CCSER1: variants seen among roughly 807,000 people sequenced by gnomAD.
The protein encoded by CCSER1 is serine-rich coiled-coil domain-containing protein 1.
A neutral mutation model predicts 82.0 loss-of-function variants in CCSER1; 41 were observed. The ratio of observed to expected loss-of-function variants is 0.50; its 90% confidence interval spans 0.39 to 0.65. The LOEUF (loss-of-function observed/expected upper bound fraction) is 0.65. CCSER1 is among the 30% of genes least tolerant of loss of function. The probability of loss-of-function intolerance (pLI) is 0.00; values close to 1 mark genes in which losing one functional copy is unlikely to be tolerated. For missense variants in CCSER1, 1,119 were observed against 1,064.2 expected, an observed-to-expected ratio of 1.05 and a Z score of -0.72; for synonymous variants, 414 against 383.9, an observed-to-expected ratio of 1.08 and a Z score of -0.92.
At chr4:91,474,767 G>A (rs7671624) in intron 10 of CCSER1, among the ~76,000 whole-genome samples, 84,112 of 135,192 alleles carry the variant, frequency 0.62, 25,097 homozygotes, top group East Asian at 0.87. Flanking sequence ...ACATGTGTGT[G>A]TATATATATA....
intron 3 of CCSER1, among the ~76,000 whole-genome samples, chr4:90,388,635 A>G (rs1449081055): frequency 6.9e-6 from 1 of 145,066 alleles, no homozygotes; most frequent in Non-Finnish European, 1.5e-5. Context: ...TTTAAATATT[A>G]TGATAATTTT....
At chr4:90,414,669 G>C (rs995332969) in intron 4 of CCSER1, among the ~76,000 whole-genome samples, 1 of 151,998 alleles carries the variant, frequency 6.6e-6, no homozygotes, top group Non-Finnish European at 1.5e-5. Flanking sequence ...TAGCAGCGAG[G>C]TTCGTTAGAT....
chr4:90,849,211 G>C (rs1763555724), intron 8 of CCSER1, among the ~76,000 whole-genome samples: 1 of 152,176 alleles, frequency 6.6e-6, no homozygotes, highest in Non-Finnish European at 1.5e-5. Flanking sequence ...CTAGAGACTT[G>C]TTGAATGGCT....
intron 10 of CCSER1, among the ~76,000 whole-genome samples, chr4:91,235,064 A>C (rs1270219554): frequency 6.6e-6 from 1 of 152,108 alleles, no homozygotes; most frequent in Non-Finnish European, 1.5e-5. Flanking sequence ...AATGAAAAAA[A>C]CAAAGAACAC....
rs28420276 is a variant in CCSER1 at position 90,298,358 on chromosome 4, C to A, written c.-41-9886C>A. On this transcript the variant is annotated intron_variant, in intron 1 of 10. Transcript: ENST00000509176. ...GGTGATATCCCCTTTATCATTTTTT[C>A]TTGCGTCTATTTGATTCTTCTCTCT... is the stretch of plus-strand genomic sequence containing the variant. Among the ~76,000 whole-genome samples the A allele has an allele frequency of 6.6e-3, 997 of 150,918 alleles. 7 individuals are homozygous for A. Among genetic ancestry groups the A allele is most frequent in the African/African-American group, 0.021 (872 of 41,234 alleles).
intron 10 of CCSER1, among the ~76,000 whole-genome samples, chr4:91,257,552 CTG>C (rs1740793916): frequency 6.6e-6 from 1 of 151,322 alleles, no homozygotes; most frequent in Non-Finnish European, 1.5e-5. Context: ...GGGCAACTAA[CTG>C]TTTATTCCAA....
At chr4:90,900,389 G>A (rs1051704082) in intron 8 of CCSER1, among the ~76,000 whole-genome samples, 1 of 151,710 alleles carries the variant, frequency 6.6e-6, no homozygotes, top group African/African-American at 2.4e-5. Flanking sequence ...TATCAATTTT[G>A]TTTATCCTTT....
chr4:90,532,830 T>C (rs1482175048), intron 5 of CCSER1, among the ~76,000 whole-genome samples: 1 of 152,114 alleles, frequency 6.6e-6, no homozygotes, highest in African/African-American at 2.4e-5. Flanking sequence ...GACTTGTACT[T>C]TGAGTAGCTT....
chr4:90,552,360 A>G (rs949289033), intron 5 of CCSER1, among the ~76,000 whole-genome samples: 2 of 152,380 alleles, frequency 1.3e-5, no homozygotes, highest in Admixed American at 1.3e-4. Context: ...ATTCATAAAG[A>G]TTAAAATATA....
intron 7 of CCSER1, among the ~76,000 whole-genome samples, chr4:90,742,835 C>T (rs998811772): frequency 1.3e-5 from 2 of 152,008 alleles, no homozygotes; most frequent in Non-Finnish European, 2.9e-5. Context: ...TTTTTTGTTT[C>T]GTAAAATGTG....
At chr4:90,346,331 G>A (rs950776060) in intron 3 of CCSER1, among the ~76,000 whole-genome samples, 2 of 151,860 alleles carry the variant, frequency 1.3e-5, no homozygotes, top group African/African-American at 2.4e-5. Context: ...TATTTCTTAA[G>A]CACTTATAAC....
chr4:90,360,079 G>A (rs1371074438), intron 3 of CCSER1, among the ~76,000 whole-genome samples: 2 of 148,822 alleles, frequency 1.3e-5, no homozygotes. Context: ...CATCACGCCT[G>A]GCTAATTTTT....
intron 6 of CCSER1, among the ~76,000 whole-genome samples, chr4:90,663,115 T>C (rs1731119184): frequency 6.6e-6 from 1 of 152,196 alleles, no homozygotes; most frequent in Admixed American, 6.5e-5. Context: ...CTGTGCTTTT[T>C]CATATGCAAT....
At chr4:90,758,228 G>C (rs1227447761) in intron 7 of CCSER1, among the ~76,000 whole-genome samples, 1 of 151,980 alleles carries the variant, frequency 6.6e-6, no homozygotes, top group Non-Finnish European at 1.5e-5. Context: ...TGTAGTCCTT[G>C]TTTCTTACAT....
intron 7 of CCSER1, among the ~76,000 whole-genome samples, chr4:90,764,919 C>T (rs1055076411): frequency 3.9e-5 from 6 of 152,004 alleles, no homozygotes; most frequent in South Asian, 2.1e-4. Context: ...ATATATTTCT[C>T]ACCACTTGAA....
chr4:90,672,640 A>C (rs925683156), intron 6 of CCSER1, among the ~76,000 whole-genome samples: 1 of 151,996 alleles, frequency 6.6e-6, no homozygotes, highest in Admixed American at 6.6e-5. Context: ...CAACTTGGCT[A>C]TTTTGTGCAA....
chr4:90,848,471 CT>C (rs929179788), intron 8 of CCSER1, among the ~76,000 whole-genome samples: 3 of 151,944 alleles, frequency 2.0e-5, no homozygotes, highest in African/African-American at 7.3e-5. Context: ...TGAATGAAGT[CT>C]TTTTTTTCTC....
chr4:91,296,658 A>G (rs550782155), intron 10 of CCSER1, among the ~76,000 whole-genome samples: 3 of 150,014 alleles, frequency 2.0e-5, no homozygotes, highest in African/African-American at 7.3e-5. Context: ...TAAGATAAAT[A>G]TATATGTACT....
chr4:90,361,446 A>G (rs1373359420), intron 3 of CCSER1, among the ~76,000 whole-genome samples: 2 of 152,216 alleles, frequency 1.3e-5, no homozygotes, highest in Non-Finnish European at 2.9e-5. Flanking sequence ...ATTATGTCCA[A>G]ATTGGACAAG....
Sources: allele counts gnomAD v4.1 joint callset (sites outside exome capture counted in the v4.1 genomes callset), GRCh38; gene constraint gnomAD v4.1.1; transcripts MANE v1.5; gene names NCBI Gene and HGNC (gene_info 2026-07-23, HGNC 2026-07-21).